The following CCDC13 variants were observed in gnomAD, a reference collection of about 807,000 sequenced individuals.
CCDC13 encodes the protein coiled-coil domain containing 13.
Under a neutral mutation model 87.3 loss-of-function variants are expected in CCDC13, and 70 were observed. The ratio of observed to expected loss-of-function variants is 0.80; its 90% CI spans 0.66 to 0.98. CCDC13 has a LOEUF of 0.98. Among genes scored for constraint, CCDC13 ranks in the 50% least tolerant of loss-of-function variants. CCDC13 has a pLI of 0.00. For synonymous variants in CCDC13, 317 were observed against 360.3 expected, an observed-to-expected ratio of 0.88 and a Z score of 1.36; for missense variants, 842 against 892.0, an observed-to-expected ratio of 0.94 and a Z score of 0.71.
At chr3:42,715,125 C>T (rs1575270628) in intron 13 of CCDC13, among the ~76,000 whole-genome samples, 2 of 137,870 alleles carry the variant, frequency 1.5e-5, no homozygotes, top group South Asian at 2.5e-4. Context: ...GGTGAAACCT[C>T]GTCTCTACTA....
intron 5 of CCDC13, among the ~76,000 whole-genome samples, chr3:42,748,530 CACAA>C (rs983914756): frequency 1.3e-5 from 2 of 152,196 alleles, no homozygotes; most frequent in Non-Finnish European, 2.9e-5. Context: ...CTCTAGCAGG[CACAA>C]ACAAAATCTC....
rs1231037515 is a variant in CCDC13 at position 42,707,741 on chromosome 3, C to T, written c.*1239G>A. ...CTGCACCTGTGTGTCCATGAGTGTG[C>T]ACACATGGAGGTGCCTGTGTGCACG... On this transcript the variant is annotated 3_prime_UTR_variant, in exon 16 of 16. Transcript: ENST00000310232. Among the ~76,000 whole-genome samples the T allele has an allele frequency of 1.3e-5, 2 of 152,228 alleles. No homozygotes were observed. The highest frequency in any genetic ancestry group is 2.9e-5 in the Non-Finnish European group (2 of 68,050).
intron 14 of CCDC13, among the ~76,000 whole-genome samples, chr3:42,712,338 C>T (rs906826264): frequency 6.6e-6 from 1 of 152,114 alleles, no homozygotes; most frequent in Non-Finnish European, 1.5e-5. Context: ...ATTGGAGACC[C>T]TTCCTCCCTG....
Position 42,747,350 on chromosome 3 carries a change from G to A in CCDC13, c.627C>T (p.Ala209=). 3 of 1,613,870 alleles carry A rather than the reference G, an allele frequency of 1.9e-6. No homozygotes were observed. The highest frequency in any genetic ancestry group is 2.5e-6 in the Non-Finnish European group (3 of 1,179,902). The stretch of plus-strand genomic sequence containing the variant: ...TGGTGGCCACCAGCCTGTCCTGCAG[G>A]GCCTTCACCTCTGGGGTCTCCAGCT... ...RALLETPEVK[A]LQDRLVATNL... The change falls in exon 6 of 16, where the codon GCC becomes GCT. Residue 209 remains alanine (A), a synonymous_variant. Coordinates refer to ENST00000310232, the MANE Select transcript of CCDC13 (RefSeq NM_144719.4).
At chr3:42,739,880 C>T (rs1410521243) in intron 8 of CCDC13, 70 bp from the exon 9 acceptor site, 1 of 1,464,120 alleles carries the variant, frequency 6.8e-7, no homozygotes, top group African/African-American at 1.4e-5. Context: ...CTCCCTGGCT[C>T]CTACTCAATG....
At position 42,754,635 on chromosome 3, in the gene CCDC13, G is replaced by A. The variant is rs528173644; in HGVS notation, c.371-1918C>T. Among the ~76,000 whole-genome samples the A allele has an allele frequency of 1.3e-4, 20 of 152,200 alleles. No individual in the cohort carries two copies. In the East Asian group the frequency reaches 3.1e-3, roughly 24 times the overall value. ...TGTGAAGCAGCTACCTGAGGGTTCCGGACATAAATGGTAGCAAGCATATTG... is the reference window on the plus strand; with the variant it reads ...TGTGAAGCAGCTACCTGAGGGTTCCAGACATAAATGGTAGCAAGCATATTG... On this transcript the variant is annotated intron_variant, in intron 3 of 15. Transcript: ENST00000310232.
chr3:42,757,065 C>T lies in CCDC13; in HGVS notation c.370+1G>A, dbSNP rs778343456. The T allele has an allele frequency of 1.5e-5, 24 of 1,613,296 alleles. No individual in the cohort carries two copies. The highest frequency in any genetic ancestry group is 2.0e-5 in the Non-Finnish European group (24 of 1,179,558). Reference sequence around the variant, plus strand: ...GACTATCACAACAATGGTGGAGCTACCTGTGAAGGCAAATCTGTCCTCTTC... The same window carrying T: ...GACTATCACAACAATGGTGGAGCTATCTGTGAAGGCAAATCTGTCCTCTTC... On this transcript the variant is annotated splice_donor_variant, in intron 3 of 15. Transcript: ENST00000310232. LOFTEE classifies it high-confidence loss of function.
chr3:42,716,772 T>C (rs937754339), intron 13 of CCDC13, among the ~76,000 whole-genome samples: 1 of 152,354 alleles, frequency 6.6e-6, no homozygotes, highest in South Asian at 2.1e-4. Flanking sequence ...TGGAAAAGTT[T>C]GGTGGCTCCT....
At chr3:42,728,236 C>G (rs1303205524) in intron 13 of CCDC13, among the ~76,000 whole-genome samples, 2 of 152,342 alleles carry the variant, frequency 1.3e-5, no homozygotes, top group East Asian at 3.9e-4. Context: ...GAGGCACTTT[C>G]CACTGCAGGG....
chr3:42,763,504 T>C (rs950026310), intron 1 of CCDC13, among the ~76,000 whole-genome samples: 7 of 131,414 alleles, frequency 5.3e-5, no homozygotes, highest in African/African-American at 8.8e-5. Flanking sequence ...AGAGATGTAC[T>C]TTTTTTTTTT....
chr3:42,765,768 G>A (rs533514673), intron 1 of CCDC13, among the ~76,000 whole-genome samples: 5 of 152,266 alleles, frequency 3.3e-5, no homozygotes, highest in Admixed American at 1.3e-4. Context: ...GGGGGGCAAC[G>A]GGCTCTCCTG....
At chr3:42,747,035 G>A (rs565591648) in intron 6 of CCDC13, 3 of 643,148 alleles carry the variant, frequency 4.7e-6, no homozygotes, top group African/African-American at 1.8e-5. Flanking sequence ...CTGCGGGGGT[G>A]GGGGTGGCAG....
Position 42,713,068 on chromosome 3 carries a change from C to T in CCDC13, c.1873+94G>A, listed in dbSNP as rs946913990. 30 of 1,400,174 alleles carry T rather than the reference C, an allele frequency of 2.1e-5. No homozygotes were observed. The African/African-American group carries it at 3.9e-4, about 18-fold the overall frequency. The allele number at this position is 1,400,174 out of a possible 1,614,324, so 86.7% of individuals were successfully genotyped here. On this transcript the variant is annotated intron_variant, in intron 14 of 15. Coordinates refer to ENST00000310232, the MANE Select transcript of CCDC13 (RefSeq NM_144719.4). Reference sequence around the variant, plus strand: ...ATGGAAGCTCTGCTTCCCACATGCTCACTGATGGGCTGAACAGTGCAGCTG... The same window carrying T: ...ATGGAAGCTCTGCTTCCCACATGCTTACTGATGGGCTGAACAGTGCAGCTG...
intron 1 of CCDC13, among the ~76,000 whole-genome samples, chr3:42,772,637 G>A (rs1700156462): frequency 6.6e-6 from 1 of 152,180 alleles, no homozygotes; most frequent in African/African-American, 2.4e-5. Context: ...TCTGTGCACT[G>A]CTAGCATCTT....
In CCDC13 at chr3:42,732,656, C is replaced by T. The variant is rs7617368; in HGVS notation, c.1595+231G>A. On this transcript the variant is annotated intron_variant, in intron 12 of 15. Coordinates refer to ENST00000310232, the MANE Select transcript of CCDC13 (RefSeq NM_144719.4). ...GTTCCTCAGGTTAATTCTCACGTAG[C>T]AGGTAGGAACCCTAGCCTGGGAGTC... 94,779 of 541,520 alleles carry T rather than the reference C, an allele frequency of 0.18. 8,844 individuals are homozygous for T. Among genetic ancestry groups the T allele is most frequent in the Middle Eastern group, 0.25 (507 of 2,062 alleles). 33.5% of individuals were successfully genotyped at this position (541,520 alleles called of 1,614,324 possible).
intron 3 of CCDC13, among the ~76,000 whole-genome samples, chr3:42,756,564 G>A (rs751342610): frequency 5.3e-5 from 8 of 151,524 alleles, no homozygotes; most frequent in Non-Finnish European, 1.0e-4. Context: ...AGGTGCTGTA[G>A]AGTTCATACC....
At chr3:42,732,158 G>A (rs1386685204) in intron 12 of CCDC13, among the ~76,000 whole-genome samples, 1 of 152,202 alleles carries the variant, frequency 6.6e-6, no homozygotes, top group Non-Finnish European at 1.5e-5. Context: ...GTGCCTTTAT[G>A]ACCCCAGCCT....
Position 42,739,688 on chromosome 3 carries a change from C to A in CCDC13, c.1110G>T (p.Met370Ile). The change falls in exon 9 of 16, where the codon ATG (methionine) becomes ATT (isoleucine). Residue 370 changes from methionine to isoleucine, a missense_variant. By Grantham distance (10) the Met-to-Ile change is conservative (BLOSUM62 1). Coordinates refer to ENST00000310232, the MANE Select transcript of CCDC13 (RefSeq NM_144719.4). Reference protein sequence around the residue: ...SSEMKTLKSQMGTLVEKGRHD... With the variant: ...SSEMKTLKSQIGTLVEKGRHD... ...GCCGGCCCTTCTCCACCAGGGTTCC[C>A]ATCTGACTCTTGAGGGTCTTCATCT... 1 of 1,614,202 alleles carries A rather than the reference C, an allele frequency of 6.2e-7. No homozygotes were observed. Among genetic ancestry groups the A allele is most frequent in the Non-Finnish European group, 8.5e-7 (1 of 1,180,036 alleles).
chr3:42,742,931 G>A lies in CCDC13; in HGVS notation c.952C>T (p.Arg318Cys), dbSNP rs202117343. Residue 318 changes from arginine to cysteine, a missense_variant, in exon 8 of 16, where the codon CGC becomes TGC. Arg to Cys is a radical substitution (Grantham distance 180). Coordinates refer to ENST00000310232, the MANE Select transcript of CCDC13 (RefSeq NM_144719.4). ...SAQEKNLLRI[R>C]SLEREKQEGL... ...TCCTGTTTTTCCCTTTCCAGGCTGC[G>A]GATCCTCAGCAGGTTTTTCTCCTGT... The A allele has an allele frequency of 7.4e-6, 12 of 1,614,080 alleles. No homozygotes were observed. Among genetic ancestry groups the A allele is most frequent in the East Asian group, 4.5e-5 (2 of 44,888 alleles).
Sources: allele counts gnomAD v4.1 joint callset (sites outside exome capture counted in the v4.1 genomes callset), GRCh38; gene constraint gnomAD v4.1.1; transcripts MANE v1.5; gene names NCBI Gene and HGNC (gene_info 2026-07-23, HGNC 2026-07-21).